The following TJP2 variants were observed in gnomAD, a reference collection of about 807,000 sequenced individuals.
The protein encoded by TJP2 is Friedreich ataxia region gene X104 (tight junction protein ZO-2).
Under a neutral mutation model 133.1 loss-of-function variants are expected in TJP2, and 91 were observed. That is an observed-to-expected ratio of 0.68 (90% CI 0.58 to 0.81). The LOEUF is 0.81. Among genes scored for constraint, TJP2 ranks in the 40% least tolerant of loss-of-function variants. The pLI is 0.00. For synonymous variants in TJP2, 592 were observed against 583.4 expected, an observed-to-expected ratio of 1.01 and a Z score of -0.21; for missense variants, 1,541 against 1,565.6, an observed-to-expected ratio of 0.98 and a Z score of 0.26.
chr9:69,198,441 C>T (rs986640050), intron 1 of TJP2, among the ~76,000 whole-genome samples: 1 of 152,224 alleles, frequency 6.6e-6, no homozygotes, highest in Non-Finnish European at 1.5e-5. Flanking sequence ...CATGCCCGGC[C>T]ACCTTTCTCA....
intron 1 of TJP2, among the ~76,000 whole-genome samples, chr9:69,181,145 TC>T (rs1825468155): frequency 6.6e-6 from 1 of 151,974 alleles, no homozygotes; most frequent in African/African-American, 2.4e-5. Context: ...TAGAATTTCA[TC>T]TAGACCATTT....
At chr9:69,130,569 C>T (rs953789865) in intron 1 of TJP2, among the ~76,000 whole-genome samples, 2 of 152,048 alleles carry the variant, frequency 1.3e-5, no homozygotes, top group East Asian at 1.9e-4. Flanking sequence ...CTGGGAATCC[C>T]GCTTTGAGAA....
At chr9:69,184,107 T>C (rs918265389) in intron 1 of TJP2, among the ~76,000 whole-genome samples, 3 of 152,224 alleles carry the variant, frequency 2.0e-5, no homozygotes, top group Non-Finnish European at 4.4e-5. Context: ...TGCTTGACTT[T>C]GAGCAATTTA....
intron 1 of TJP2, among the ~76,000 whole-genome samples, chr9:69,197,715 G>T (rs535332358): frequency 2.5e-4 from 38 of 151,950 alleles, no homozygotes; most frequent in African/African-American, 9.0e-4. Context: ...ATAGGGTAGG[G>T]ATCTTGACCT....
intron 1 of TJP2, among the ~76,000 whole-genome samples, chr9:69,138,292 A>G (rs1466964090): frequency 3.9e-5 from 6 of 152,088 alleles, no homozygotes; most frequent in Non-Finnish European, 8.8e-5. Context: ...CAGAGCCTAG[A>G]TTGTTCTCAC....
At chr9:69,176,647 C>A (rs555401904) in intron 1 of TJP2, among the ~76,000 whole-genome samples, 17 of 152,128 alleles carry the variant, frequency 1.1e-4, no homozygotes, top group Admixed American at 5.9e-4. Flanking sequence ...TTTTACATCA[C>A]CCCCGGGGGA....
Position 69,255,163 on chromosome 9 carries a change from A to G in TJP2, c.*789A>G, listed in dbSNP as rs1464133954. On this transcript the variant is annotated 3_prime_UTR_variant, in exon 23 of 23. Coordinates refer to ENST00000377245, the MANE Select transcript of TJP2 (RefSeq NM_004817.4). ...TTCCAAAAGCACATGTATTGACAAC[A>G]GTTTTATAATTTAATAAAAAGGAAT... The G allele has an allele frequency of 6.6e-6, 1 of 152,374 alleles. No homozygotes were observed. The highest frequency in any genetic ancestry group is 1.5e-5 in the Non-Finnish European group (1 of 68,118). 9.4% of individuals were successfully genotyped at this position (152,374 alleles called of 1,614,324 possible).
intron 2 of TJP2, among the ~76,000 whole-genome samples, chr9:69,152,384 A>G (rs761295596): frequency 2.0e-5 from 3 of 152,184 alleles, no homozygotes; most frequent in African/African-American, 2.4e-5. Context: ...TTTATAGGCC[A>G]GGCCATGGCT....
At chr9:69,197,587 A>T (rs1257105137) in intron 1 of TJP2, among the ~76,000 whole-genome samples, 1 of 152,140 alleles carries the variant, frequency 6.6e-6, no homozygotes, top group African/African-American at 2.4e-5. Context: ...GGGAGTGGTC[A>T]GCTTATTTGC....
At chr9:69,175,854 G>C (rs1450094084) in intron 1 of TJP2, among the ~76,000 whole-genome samples, 1 of 152,112 alleles carries the variant, frequency 6.6e-6, no homozygotes, top group Non-Finnish European at 1.5e-5. Context: ...TCTTTTCAGA[G>C]CTACTTATGC....
At chr9:69,213,237 AT>A (rs1828077243) in intron 2 of TJP2, among the ~76,000 whole-genome samples, 1 of 151,814 alleles carries the variant, frequency 6.6e-6, no homozygotes, top group Non-Finnish European at 1.5e-5. Context: ...CTAATTTTGT[AT>A]TTTTAATAGA....
At chr9:69,135,612 T>C (rs983745265) in intron 1 of TJP2, among the ~76,000 whole-genome samples, 15 of 151,546 alleles carry the variant, frequency 9.9e-5, no homozygotes, top group African/African-American at 1.5e-4. Flanking sequence ...AGCTGATTTT[T>C]TTTTTTTCTT....
intron 22 of TJP2, 100 bp from the exon 23 acceptor site, chr9:69,254,109 G>A: frequency 7.3e-7 from 1 of 1,379,082 alleles, no homozygotes; most frequent in Non-Finnish European, 1.0e-6. Context: ...TAAGTGATCT[G>A]CTCGGGATAC....
intron 1 of TJP2, among the ~76,000 whole-genome samples, chr9:69,146,675 G>A (rs561062421): frequency 6.6e-6 from 1 of 152,126 alleles, no homozygotes; most frequent in East Asian, 1.9e-4. Flanking sequence ...GGTTGTCAAC[G>A]GGGAGGTGGA....
rs1375700934 is a variant in TJP2 at position 69,236,962 on chromosome 9, G to A, written c.2005G>A (p.Ala669Thr). The stretch of plus-strand genomic sequence containing the variant: ...GTTTCTTCTCAGAGCTGAACAAATG[G>A]CCAGTGTTCAAAATGCCCAGAGAGA... ...IPNKSRAEQMASVQNAQRDNA... is the reference protein window; with the variant it reads ...IPNKSRAEQMTSVQNAQRDNA... The change falls in exon 14 of 23, where the codon GCC (alanine) becomes ACC (threonine). Residue 669 changes from alanine to threonine, a missense_variant. By Grantham distance (58) the Ala-to-Thr change is moderately conservative. Coordinates refer to ENST00000377245, the MANE Select transcript of TJP2 (RefSeq NM_004817.4). The A allele has an allele frequency of 1.2e-6, 2 of 1,614,174 alleles. No homozygotes were observed. Among genetic ancestry groups the A allele is most frequent in the Non-Finnish European group, 1.7e-6 (2 of 1,180,028 alleles).
chr9:69,247,948 C>G, intron 18 of TJP2, 64 bp from the exon 19 acceptor site: 4 of 1,470,408 alleles, frequency 2.7e-6, no homozygotes, highest in Non-Finnish European at 2.7e-6. Flanking sequence ...TGGGAATTTT[C>G]TTGAGTCCCC....
intron 1 of TJP2, among the ~76,000 whole-genome samples, chr9:69,195,808 C>G (rs558492204): frequency 6.6e-6 from 1 of 152,192 alleles, no homozygotes; most frequent in African/African-American, 2.4e-5. Context: ...CCTCTTCTTA[C>G]CAACTCACTG....
chr9:69,204,567 G>T (rs1225931591), intron 1 of TJP2, among the ~76,000 whole-genome samples: 4 of 152,204 alleles, frequency 2.6e-5, no homozygotes, highest in African/African-American at 9.6e-5. Context: ...GTGGAACTTT[G>T]CTGAGCAAGC....
rs1822261348 is a variant in TJP2, at chr9:69,124,620, A to G, written c.-131+2895A>G. Among the ~76,000 whole-genome samples, 2 of 77,582 alleles carry G rather than the reference A, an allele frequency of 2.6e-5. 1 individual carries two copies. Among genetic ancestry groups the G allele is most frequent in the Non-Finnish European group, 6.0e-5 (2 of 33,588 alleles). 50.9% of individuals were successfully genotyped at this position (77,582 alleles called of 152,430 possible). ...TTGAAAAGTCCCTTTGAAATGGTGAATGAAGATAATTCAAACGGCAAGATT... is the reference window on the plus strand; with the variant it reads ...TTGAAAAGTCCCTTTGAAATGGTGAGTGAAGATAATTCAAACGGCAAGATT... On this transcript the variant is annotated intron_variant, in intron 1 of 5. Coordinates refer to the TJP2 transcript ENST00000423935.
Sources: gnomAD v4.1 joint callset for allele counts (sites outside exome capture counted in the v4.1 genomes callset) on GRCh38, gnomAD v4.1.1 for gene constraint, MANE v1.5 for transcripts, NCBI Gene and HGNC (gene_info 2026-07-23, HGNC 2026-07-21) for gene names.